Variants in GPR180 observed in about 807,000 individuals in gnomAD.
The protein encoded by GPR180 is integral membrane protein GPR180.
Under a neutral mutation model 52.6 loss-of-function variants are expected in GPR180, and 53 were observed. The observed-to-expected ratio is 1.01, with a 90% CI of 0.81 to 1.27. The LOEUF is 1.27. GPR180 is among the 50% of genes most tolerant of loss of function. GPR180 has a pLI of 0.00. For missense variants in GPR180, 533 were observed against 527.0 expected, an observed-to-expected ratio of 1.01 and a Z score of -0.11; for synonymous variants, 200 against 193.1, an observed-to-expected ratio of 1.04 and a Z score of -0.30.
intron 7 of GPR180, among the ~76,000 whole-genome samples, chr13:94,625,721 A>G (rs977617570): frequency 3.3e-5 from 5 of 152,188 alleles, no homozygotes; most frequent in African/African-American, 1.2e-4. Context: ...TAGTGTATCA[A>G]AATGTGTATG....
rs78914826 is a variant in GPR180, at chr13:94,629,251, A to G, written c.*2080A>G. 16 of 152,312 alleles carry G rather than the reference A, an allele frequency of 1.1e-4. No individual in the cohort carries two copies. In the East Asian group the frequency reaches 3.1e-3, roughly 29 times the overall value. The allele number at this position is 152,312 out of a possible 1,614,324, so 9.4% of individuals were successfully genotyped here. On this transcript the variant is annotated 3_prime_UTR_variant, in exon 9 of 9. Transcript: ENST00000376958. ...GATTACAGAAAGTTAAGTGTATACT[A>G]CAAACTCTAATTAAAGATAAAAATC... is the stretch of plus-strand genomic sequence containing the variant.
intron 3 of GPR180, among the ~76,000 whole-genome samples, chr13:94,615,159 G>T (rs570887808): frequency 6.6e-6 from 1 of 152,172 alleles, no homozygotes; most frequent in African/African-American, 2.4e-5. Flanking sequence ...GTACAGAACC[G>T]CTGATCTAAA....
rs1362153369 is a variant in GPR180 at position 94,601,887 on chromosome 13, C to T, written c.-41C>T. The T allele has an allele frequency of 1.5e-6, 2 of 1,347,006 alleles. No individual in the cohort carries two copies. The highest frequency in any genetic ancestry group is 1.5e-5 in the African/African-American group (1 of 65,230). 83.4% of individuals were successfully genotyped at this position (1,347,006 alleles called of 1,614,324 possible). A position where few individuals can be genotyped will look rare whatever the true frequency, so the allele number is the denominator to read the frequency against. ...CCGACGTGGGGCGGGCAGCCGCCGG[C>T]GGCTGGGAGCCGAGGCGTCGGTGCA... On this transcript the variant is annotated 5_prime_UTR_variant, in exon 1 of 9. Coordinates refer to ENST00000376958, the MANE Select transcript of GPR180 (RefSeq NM_180989.6).
intron 2 of GPR180, 108 bp from the exon 3 acceptor site, chr13:94,612,082 G>A (rs1889713368): frequency 1.2e-6 from 1 of 808,244 alleles, no homozygotes; most frequent in Non-Finnish European, 2.0e-6. Flanking sequence ...GGATTTCTGA[G>A]ACAATAAAAA....
intron 1 of GPR180, among the ~76,000 whole-genome samples, 198 bp from the exon 2 acceptor site, chr13:94,605,193 A>G (rs1229514706): frequency 6.6e-6 from 1 of 152,204 alleles, no homozygotes; most frequent in East Asian, 1.9e-4. Flanking sequence ...ATTTCAAGGA[A>G]ATACCACACG....
In GPR180 at chr13:94,623,423, C is replaced by T. The variant is rs1412879601; in HGVS notation, c.1086+123C>T. 8 of 700,044 alleles carry T rather than the reference C, an allele frequency of 1.1e-5. No homozygotes were observed. The African/African-American group carries it at 1.3e-4, about 11-fold the overall frequency. 43.4% of individuals were successfully genotyped at this position (700,044 alleles called of 1,614,324 possible). A position where few individuals can be genotyped will look rare whatever the true frequency, so the allele number is the denominator to read the frequency against. ...CTTCTGGGTTGGGCACAGTGGCTCA[C>T]TCCTATAATCCCAGTGCTTTGGAAG... On this transcript the variant is annotated intron_variant, in intron 7 of 8. Transcript: ENST00000376958.
chr13:94,604,871 G>A (rs1379757855), intron 1 of GPR180, among the ~76,000 whole-genome samples: 1 of 152,050 alleles, frequency 6.6e-6, no homozygotes, highest in Non-Finnish European at 1.5e-5. Context: ...ACTGTGCCCA[G>A]CCCCTGAAAG....
In GPR180 at chr13:94,634,482, G is replaced by C. The variant is rs1409581068; in HGVS notation, c.*7311G>C. ...TTAAAGACTTCTTTATATAGCTCTT[G>C]TACATTTCTTGATATGAATATGTTA... On this transcript the variant is annotated 3_prime_UTR_variant, in exon 9 of 9. Coordinates refer to ENST00000376958, the MANE Select transcript of GPR180 (RefSeq NM_180989.6). 6.6e-6 allele frequency: 1 copy of C among 151,900 alleles called. No individual in the cohort carries two copies. The highest frequency in any genetic ancestry group is 1.5e-5 in the Non-Finnish European group (1 of 67,964). 9.4% of individuals were successfully genotyped at this position (151,900 alleles called of 1,614,324 possible).
rs1466099408 is a variant in GPR180 at position 94,601,931 on chromosome 13, G to C, written c.4G>C (p.Gly2Arg). M[G>R]GLRLLAVALT... ...CGGTGCAGACCTGGAGACGGGCATG[G>C]GGGGGCTGCGGCTGCTGGCTGTGGC... The change falls in exon 1 of 9, where the codon GGG becomes CGG. Residue 2 changes from glycine to arginine, a missense_variant. Gly to Arg is a moderately radical substitution (Grantham distance 125). Coordinates refer to ENST00000376958, the MANE Select transcript of GPR180 (RefSeq NM_180989.6). 2.7e-6 allele frequency: 4 copies of C among 1,489,964 alleles called. No individual in the cohort carries two copies. The highest frequency in any genetic ancestry group is 1.4e-5 in the African/African-American group (1 of 69,142). 92.3% of individuals were successfully genotyped at this position (1,489,964 alleles called of 1,614,324 possible). A position where few individuals can be genotyped will look rare whatever the true frequency, so the allele number is the denominator to read the frequency against.
rs1276213628 is a variant in GPR180 at position 94,629,639 on chromosome 13, A to T, written c.*2468A>T. On this transcript the variant is annotated 3_prime_UTR_variant, in exon 9 of 9. Transcript: ENST00000376958. Reference sequence around the variant, plus strand: ...TAGTGAGAATGAATTGCTATCCATCATAATTTTTGCTGTTGATTTGAACAT... The same window carrying T: ...TAGTGAGAATGAATTGCTATCCATCTTAATTTTTGCTGTTGATTTGAACAT... 6.6e-6 allele frequency: 1 copy of T among 152,230 alleles called. No homozygotes were observed. The highest frequency in any genetic ancestry group is 1.5e-5 in the Non-Finnish European group (1 of 68,038). 9.4% of individuals were successfully genotyped at this position (152,230 alleles called of 1,614,324 possible).
At position 94,601,957 on chromosome 13, in the gene GPR180, C is replaced by T; in HGVS notation, c.30C>T (p.Ala10=). The change falls in exon 1 of 9, where the codon GCC becomes GCT. Residue 10 remains alanine, a synonymous_variant. Coordinates refer to ENST00000376958, the MANE Select transcript of GPR180 (RefSeq NM_180989.6). MGGLRLLAV[A]LTCCWWPQGS... ...GGGGGCTGCGGCTGCTGGCTGTGGC[C>T]CTCACGTGCTGCTGGTGGCCGCAGG... 3 of 1,498,890 alleles carry T rather than the reference C, an allele frequency of 2.0e-6. No individual in the cohort carries two copies. Among genetic ancestry groups the T allele is most frequent in the Non-Finnish European group, 2.7e-6 (3 of 1,129,702 alleles). The allele number at this position is 1,498,890 out of a possible 1,614,324, so 92.8% of individuals were successfully genotyped here.
At chr13:94,614,407 A>G (rs1373388676) in intron 3 of GPR180, among the ~76,000 whole-genome samples, 1 of 152,128 alleles carries the variant, frequency 6.6e-6, no homozygotes, top group Admixed American at 6.5e-5. Flanking sequence ...GGATCCTGAT[A>G]TGCTTTTACT....
Position 94,621,102 on chromosome 13 carries a change from A to G in GPR180, c.761A>G (p.Gln254Arg). 1 of 1,607,970 alleles carries G rather than the reference A, an allele frequency of 6.2e-7. No individual in the cohort carries two copies. Among genetic ancestry groups the G allele is most frequent in the Non-Finnish European group, 8.5e-7 (1 of 1,178,724 alleles). ...GTTTTTGACATCGCTTCCCAAATTCAGATGTTATACTTACTTTTGAGTCTA... is the reference window on the plus strand; with the variant it reads ...GTTTTTGACATCGCTTCCCAAATTCGGATGTTATACTTACTTTTGAGTCTA... ...AEFFDIASQI[Q>R]MLYLLLSLCM... is the part of the protein sequence containing the mutation. The change falls in exon 6 of 9, where the codon CAG (glutamine) becomes CGG (arginine). Residue 254 changes from glutamine (Q) to arginine (R), a missense_variant. Transcript: ENST00000376958.
intron 2 of GPR180, among the ~76,000 whole-genome samples, chr13:94,609,217 A>T (rs1889672212): frequency 6.6e-6 from 1 of 152,236 alleles, no homozygotes; most frequent in Non-Finnish European, 1.5e-5. Context: ...TTTGGTTAAC[A>T]GTATTCAAAT....
At chr13:94,608,296 C>T (rs568220005) in intron 2 of GPR180, among the ~76,000 whole-genome samples, 31 of 152,166 alleles carry the variant, frequency 2.0e-4, no homozygotes, top group Admixed American at 1.2e-3. Context: ...AAAATGCTGC[C>T]ATTCTCGTTA....
Position 94,623,257 on chromosome 13 carries a change from A to G in GPR180, c.1043A>G (p.Glu348Gly). 4 of 1,613,896 alleles carry G rather than the reference A, an allele frequency of 2.5e-6. No homozygotes were observed. Among genetic ancestry groups the G allele is most frequent in the Non-Finnish European group, 3.4e-6 (4 of 1,179,902 alleles). ...GCGLYQIITV[E>G]RSTLKREFYI... ...GGACTCTATCAGATCATCACAGTGG[A>G]GAGAAGTACACTCAAAAGGGAGTTC... The change falls in exon 7 of 9, where the codon GAG becomes GGG. Residue 348 changes from glutamate (E) to glycine (G), a missense_variant. Physicochemically the swap from Glu to Gly is moderately conservative, Grantham distance 98. Coordinates refer to ENST00000376958, the MANE Select transcript of GPR180 (RefSeq NM_180989.6).
In GPR180 at chr13:94,621,070, C is replaced by T. The variant is rs1175059901; in HGVS notation, c.737-8C>T. 4 of 1,597,242 alleles carry T rather than the reference C, an allele frequency of 2.5e-6. No individual in the cohort carries two copies. Among genetic ancestry groups the T allele is most frequent in the Non-Finnish European group, 2.6e-6 (3 of 1,175,092 alleles). ...ACTTGGTTGACGTTGGTTTTCATGT[C>T]CCATTAGTTTTTGACATCGCTTCCC... On this transcript the variant is annotated splice_region_variant and splice_polypyrimidine_tract_variant and intron_variant, in intron 5 of 8. Coordinates refer to ENST00000376958, the MANE Select transcript of GPR180 (RefSeq NM_180989.6).
At chr13:94,616,154 A>G (rs1167348080) in intron 3 of GPR180, among the ~76,000 whole-genome samples, 2 of 152,230 alleles carry the variant, frequency 1.3e-5, no homozygotes, top group African/African-American at 4.8e-5. Flanking sequence ...TTTAGGAGGA[A>G]GGAAGTCTTT....
In GPR180 at chr13:94,627,172, T is replaced by C. The variant is rs377092985; in HGVS notation, c.*1T>C. 1.9e-5 allele frequency: 31 copies of C among 1,611,454 alleles called. No homozygotes were observed. In the African/African-American group the frequency reaches 3.2e-4, roughly 17 times the overall value. The stretch of plus-strand genomic sequence containing the variant: ...ACACAAAAGTCGCCCTCATTTCTGA[T>C]ACTTGATTTTTGTTGAGAGGAAAAG... On this transcript the variant is annotated 3_prime_UTR_variant, in exon 9 of 9. Coordinates refer to ENST00000376958, the MANE Select transcript of GPR180 (RefSeq NM_180989.6).
Sources: allele counts gnomAD v4.1 joint callset (sites outside exome capture counted in the v4.1 genomes callset), GRCh38; gene constraint gnomAD v4.1.1; transcripts MANE v1.5; gene names NCBI Gene and HGNC (gene_info 2026-07-23, HGNC 2026-07-21).